Variants in RO60 observed in about 807,000 individuals in gnomAD.
RO60 encodes Ro60, Y RNA binding protein.
A neutral mutation model predicts 55.3 loss-of-function variants in RO60; 20 were observed. That is an observed-to-expected ratio of 0.36 (90% CI 0.25 to 0.53). The LOEUF (loss-of-function observed/expected upper bound fraction) is 0.53. Ranked by LOEUF, RO60 falls within the 20% of genes least tolerant of loss-of-function variation. RO60 has a pLI of 0.92. For synonymous variants in RO60, 213 were observed against 213.6 expected, an observed-to-expected ratio of 1.00 and a Z score of 0.02; for missense variants, 558 against 646.6, an observed-to-expected ratio of 0.86 and a Z score of 1.49.
At chr1:193,072,172 T>G (rs1444610574) in intron 2 of RO60, among the ~76,000 whole-genome samples, 1 of 152,056 alleles carries the variant, frequency 6.6e-6, no homozygotes, top group Non-Finnish European at 1.5e-5. Flanking sequence ...CTCTGCTAAT[T>G]TTTGTATTTT....
rs3834070 is a variant in RO60 at position 193,059,731 on chromosome 1, TCTC to T, written c.-64_-62del. 787 of 1,354,052 alleles carry T rather than the reference TCTC, an allele frequency of 5.8e-4. 19 individuals carry two copies. The East Asian group carries it at 0.032, about 55-fold the overall frequency. 83.9% of individuals were successfully genotyped at this position (1,354,052 alleles called of 1,614,324 possible). On this transcript the variant is annotated 5_prime_UTR_variant, in exon 1 of 9. Coordinates refer to ENST00000400968, the MANE Select transcript of RO60 (RefSeq NM_001173524.2). The surrounding 1 kb of genome is among the most constrained non-coding windows in gnomAD (Gnocchi z 4.9). ...TCGTTTCCCAGCGCTGCGCAGGACT[TCTC>T]CTGGCGGCGCTGCGGATCCAGGGGG... is the stretch of plus-strand genomic sequence containing the variant.
chr1:193,060,095 C>G lies in RO60; in HGVS notation c.-22+319C>G, dbSNP rs1572040626. 4 of 1,236,388 alleles carry G rather than the reference C, an allele frequency of 3.2e-6. No individual in the cohort carries two copies. In the Admixed American group the frequency reaches 8.3e-5, roughly 26 times the overall value. 76.6% of individuals were successfully genotyped at this position (1,236,388 alleles called of 1,614,324 possible). A position where few individuals can be genotyped will look rare whatever the true frequency, so the allele number is the denominator to read the frequency against. On this transcript the variant is annotated intron_variant, in intron 1 of 8. Transcript: ENST00000400968. ...CGAGAGGGCCTGCTTTACTCCTCCT[C>G]TTTCTCCTCCTTCTCCCGCGGCTTC...
At chr1:193,060,372 T>G in intron 1 of RO60, 1 of 248,992 alleles carries the variant, frequency 4.0e-6, no homozygotes, top group Non-Finnish European at 8.1e-6. Context: ...TACTAAATAT[T>G]TACTAAATTG....
chr1:193,071,073 C>G (rs1673458925), intron 2 of RO60, among the ~76,000 whole-genome samples: 1 of 152,162 alleles, frequency 6.6e-6, no homozygotes. Flanking sequence ...ACTGTTCCAC[C>G]TCAGATCATC....
chr1:193,076,680 A>G, intron 4 of RO60, 33 bp downstream of exon 4: 1 of 1,544,618 alleles, frequency 6.5e-7, no homozygotes, highest in Non-Finnish European at 8.7e-7. Flanking sequence ...ATTAGCTACT[A>G]CTAACTGAGA....
In RO60 at chr1:193,090,056, G is replaced by A. The variant is rs890326955; in HGVS notation, c.*5325G>A. Reference sequence around the variant, plus strand: ...CGTGACCTCGTGATCTGTCCGCCTCGGCCTTCCAAAGTGCTAGGATTACAG... The same window carrying A: ...CGTGACCTCGTGATCTGTCCGCCTCAGCCTTCCAAAGTGCTAGGATTACAG... On this transcript the variant is annotated 3_prime_UTR_variant, in exon 9 of 9. Coordinates refer to ENST00000400968, the MANE Select transcript of RO60 (RefSeq NM_001173524.2). The A allele has an allele frequency of 7.9e-5, 12 of 152,164 alleles. No individual in the cohort carries two copies. Among genetic ancestry groups the A allele is most frequent in the East Asian group, 3.9e-4 (2 of 5,172 alleles). 9.4% of individuals were successfully genotyped at this position (152,164 alleles called of 1,614,324 possible). A position where few individuals can be genotyped will look rare whatever the true frequency, so the allele number is the denominator to read the frequency against.
chr1:193,086,160 T>A lies in RO60; in HGVS notation c.*1429T>A. On this transcript the variant is annotated 3_prime_UTR_variant, in exon 9 of 9. Transcript: ENST00000400968. ...TTAATGTAAATTATAGCCTTTTAGG[T>A]GCTTGGGGGTTAGAGGGTTTATGTT... is the stretch of plus-strand genomic sequence containing the variant. 6.4e-6 allele frequency: 3 copies of A among 469,546 alleles called. No homozygotes were observed. The highest frequency in any genetic ancestry group is 8.4e-6 in the Non-Finnish European group (3 of 358,986). The allele number at this position is 469,546 out of a possible 1,614,324, so 29.1% of individuals were successfully genotyped here. A position where few individuals can be genotyped will look rare whatever the true frequency, so the allele number is the denominator to read the frequency against.
In RO60 at chr1:193,082,278, G is replaced by C. The variant is rs753125693; in HGVS notation, c.1296G>C (p.Gln432His). The change falls in exon 7 of 9, where the codon CAG (glutamine) becomes CAC (histidine). Residue 432 changes from glutamine to histidine, a missense_variant. By Grantham distance (24) the Gln-to-His change is conservative. Transcript: ENST00000400968. ...CPVTTDMTLQ[Q>H]VLMAMSQIPA... ...TGACTACAGATATGACCTTACAACA[G>C]GTTTTAATGGCTATGAGTCAGGTAA... 5 of 1,609,062 alleles carry C rather than the reference G, an allele frequency of 3.1e-6. No homozygotes were observed. The highest frequency in any genetic ancestry group is 4.2e-6 in the Non-Finnish European group (5 of 1,178,194).
intron 1 of RO60, among the ~76,000 whole-genome samples, chr1:193,061,017 A>C (rs1369591246): frequency 3.3e-5 from 5 of 152,220 alleles, no homozygotes; most frequent in Admixed American, 6.5e-5. Context: ...TTGTAGAAAG[A>C]CCAAACTGAA....
intron 8 of RO60, among the ~76,000 whole-genome samples, chr1:193,083,635 G>A (rs574184422): frequency 7.9e-5 from 12 of 152,320 alleles, no homozygotes; most frequent in Non-Finnish European, 1.2e-4. Context: ...CCTGAGGCCC[G>A]TCAGAGACCT....
chr1:193,077,289 T>G (rs1307883812), intron 5 of RO60, among the ~76,000 whole-genome samples: 1 of 152,186 alleles, frequency 6.6e-6, no homozygotes, highest in Non-Finnish European at 1.5e-5. Context: ...AACTTTTAAG[T>G]TACTAACTGT....
At position 193,084,817 on chromosome 1, in the gene RO60, C is replaced by T. The variant is rs1366438911; in HGVS notation, c.*86C>T. On this transcript the variant is annotated 3_prime_UTR_variant, in exon 9 of 9. Transcript: ENST00000400968. ...AGCTACTTCCCAGCTAATCTCCACCCAATGAATGATGATGGTATAGTATGT... is the reference window on the plus strand; with the variant it reads ...AGCTACTTCCCAGCTAATCTCCACCTAATGAATGATGATGGTATAGTATGT... 2.6e-6 allele frequency: 4 copies of T among 1,544,296 alleles called. No individual in the cohort carries two copies. Among genetic ancestry groups the T allele is most frequent in the Non-Finnish European group, 3.5e-6 (4 of 1,151,562 alleles).
At position 193,059,824 on chromosome 1, in the gene RO60, G is replaced by C; in HGVS notation, c.-22+48G>C. On this transcript the variant is annotated intron_variant, in intron 1 of 8. Transcript: ENST00000400968. This position sits in a 1 kb window ranked among gnomAD's most constrained non-coding sequence, Gnocchi z 4.9. Reference sequence around the variant, plus strand: ...GCTGGGAGCCTTTTGTGCGGCCCCAGGGACGCGCAAATTCTGACCAGTCCT... The same window carrying C: ...GCTGGGAGCCTTTTGTGCGGCCCCACGGACGCGCAAATTCTGACCAGTCCT... The C allele has an allele frequency of 4.4e-6, 6 of 1,358,134 alleles. No homozygotes were observed. Among genetic ancestry groups the C allele is most frequent in the Non-Finnish European group, 5.9e-6 (6 of 1,018,000 alleles). The allele number at this position is 1,358,134 out of a possible 1,614,324, so 84.1% of individuals were successfully genotyped here.
In RO60 at chr1:193,090,816, A is replaced by G. The variant is rs1051598382; in HGVS notation, c.*6085A>G. The stretch of plus-strand genomic sequence containing the variant: ...AGTTACTTTCCTTGGGGTCTGTTTA[A>G]ATAATGCCTTAATAGTGTTCTAATG... On this transcript the variant is annotated 3_prime_UTR_variant, in exon 9 of 9. Coordinates refer to ENST00000400968, the MANE Select transcript of RO60 (RefSeq NM_001173524.2). 6.6e-6 allele frequency: 1 copy of G among 152,064 alleles called. No individual in the cohort carries two copies. Among genetic ancestry groups the G allele is most frequent in the African/African-American group, 2.4e-5 (1 of 41,426 alleles). 9.4% of individuals were successfully genotyped at this position (152,064 alleles called of 1,614,324 possible). A position where few individuals can be genotyped will look rare whatever the true frequency, so the allele number is the denominator to read the frequency against.
At position 193,082,727 on chromosome 1, in the gene RO60, C is replaced by T. The variant is rs1387144268; in HGVS notation, c.1464+19C>T. 1.3e-5 allele frequency: 20 copies of T among 1,582,082 alleles called. No individual in the cohort carries two copies. Among genetic ancestry groups the T allele is most frequent in the Non-Finnish European group, 1.6e-5 (19 of 1,164,250 alleles). ...TCGAAAGGTAAAACAAATTCTAATACGGTTCCTCACCCAAATAATATTATT... is the reference window on the plus strand; with the variant it reads ...TCGAAAGGTAAAACAAATTCTAATATGGTTCCTCACCCAAATAATATTATT... On this transcript the variant is annotated intron_variant, in intron 8 of 8. Coordinates refer to ENST00000400968, the MANE Select transcript of RO60 (RefSeq NM_001173524.2).
At chr1:193,062,255 T>C (rs1005642934) in intron 1 of RO60, among the ~76,000 whole-genome samples, 4 of 152,146 alleles carry the variant, frequency 2.6e-5, no homozygotes, top group African/African-American at 9.7e-5. Context: ...CCACTGATAA[T>C]GGAGCTTAAG....
chr1:193,077,190 GAGTATA>G, intron 5 of RO60, 140 bp downstream of exon 5: 1 of 821,620 alleles, frequency 1.2e-6, no homozygotes, highest in Non-Finnish European at 1.8e-6. Context: ...CATATGTGGT[GAGTATA>G]TAATTAATAT....
intron 1 of RO60, chr1:193,060,303 A>G: frequency 3.1e-6 from 1 of 323,526 alleles, no homozygotes; most frequent in Non-Finnish European, 6.0e-6. Context: ...AATGTCGTGT[A>G]TTAATCTAAA....
chr1:193,084,689 A>G lies in RO60; in HGVS notation c.1575A>G (p.Gly525=). Residue 525 remains glycine (G), a synonymous_variant, in exon 9 of 9, where the codon GGA becomes GGG. Coordinates refer to ENST00000400968, the MANE Select transcript of RO60 (RefSeq NM_001173524.2). ...TGGATATGTGCGGCTTTGATACTGG[A>G]GCTCTGGATGTAATTCGAAATTTCA... The part of the protein sequence containing the change: ...GMLDMCGFDT[G]ALDVIRNFTL... The G allele has an allele frequency of 2.5e-6, 4 of 1,613,794 alleles. No homozygotes were observed. The highest frequency in any genetic ancestry group is 3.4e-6 in the Non-Finnish European group (4 of 1,179,870).
Sources: allele counts gnomAD v4.1 joint callset (sites outside exome capture counted in the v4.1 genomes callset), GRCh38; gene constraint gnomAD v4.1.1; non-coding constraint Gnocchi (gnomAD v3.1); transcripts MANE v1.5; gene names NCBI Gene and HGNC (gene_info 2026-07-23, HGNC 2026-07-21).